Variants in SLC14A2 observed in about 807,000 individuals in gnomAD.
SLC14A2 encodes urea transporter 2.
Under a neutral mutation model 104.6 loss-of-function variants are expected in SLC14A2, and 91 were observed. The ratio of observed to expected loss-of-function variants is 0.87; its 90% CI spans 0.73 to 1.04. SLC14A2 has a LOEUF of 1.04. Ranked by LOEUF, SLC14A2 falls within the 50% of genes least tolerant of loss-of-function variation. SLC14A2 has a pLI of 0.00. For synonymous variants in SLC14A2, 476 were observed against 466.4 expected (o/e 1.02, Z -0.27); for missense variants, 1,189 against 1,156.0 (o/e 1.03, Z -0.41).
chr18:45,355,340 C>T (rs926103337), intron 1 of SLC14A2, among the ~76,000 whole-genome samples: 2 of 151,940 alleles, frequency 1.3e-5, no homozygotes, highest in African/African-American at 2.4e-5. Flanking sequence ...CTTTGGGAGG[C>T]CGAGGTGGGT....
At chr18:45,349,781 G>A (rs2085484634) in intron 1 of SLC14A2, among the ~76,000 whole-genome samples, 1 of 152,224 alleles carries the variant, frequency 6.6e-6, no homozygotes, top group Admixed American at 6.5e-5. Flanking sequence ...GTGGAACGTA[G>A]ATGAAGATTA....
intron 1 of SLC14A2, among the ~76,000 whole-genome samples, chr18:45,471,505 AT>A (rs2087248098): frequency 6.6e-6 from 1 of 152,128 alleles, no homozygotes; most frequent in African/African-American, 2.4e-5. Flanking sequence ...TCTATTCTAT[AT>A]TTTTTAGTAT....
chr18:45,284,310 T>C (rs1268907626), intron 1 of SLC14A2, among the ~76,000 whole-genome samples: 1 of 152,178 alleles, frequency 6.6e-6, no homozygotes, highest in Admixed American at 6.5e-5. Context: ...GTTTCCCAGA[T>C]TTCCATGACA....
intron 1 of SLC14A2, among the ~76,000 whole-genome samples, chr18:45,369,451 G>A (rs939099630): frequency 6.6e-6 from 1 of 152,136 alleles, no homozygotes; most frequent in Non-Finnish European, 1.5e-5. Context: ...CTTAATCCAA[G>A]GAAATATCAT....
At chr18:45,324,562 C>A (rs540781971) in intron 1 of SLC14A2, among the ~76,000 whole-genome samples, 1 of 152,110 alleles carries the variant, frequency 6.6e-6, no homozygotes, top group South Asian at 2.1e-4. Flanking sequence ...CACCCCACCC[C>A]CTGGGGCTGT....
chr18:45,242,781 A>G (rs2084330860), intron 1 of SLC14A2, among the ~76,000 whole-genome samples: 1 of 152,216 alleles, frequency 6.6e-6, no homozygotes, highest in Non-Finnish European at 1.5e-5. Context: ...CTATTTTCAA[A>G]GAGTGAGATG....
At chr18:45,489,517 A>AAAAAC in intron 2 of SLC14A2, among the ~76,000 whole-genome samples, 2 of 152,332 alleles carry the variant, frequency 1.3e-5, no homozygotes, top group Middle Eastern at 6.8e-3. Flanking sequence ...TCTCAAAAAC[A>AAAAAC]AAAACAAAAA....
intron 8 of SLC14A2, among the ~76,000 whole-genome samples, chr18:45,642,118 C>T (rs2045538416): frequency 1.3e-5 from 2 of 152,196 alleles, no homozygotes; most frequent in South Asian, 4.1e-4. Flanking sequence ...TTGCCACCAG[C>T]TCTCCTCTCC....
At chr18:45,339,111 G>C (rs1198412963) in intron 1 of SLC14A2, among the ~76,000 whole-genome samples, 1 of 151,974 alleles carries the variant, frequency 6.6e-6, no homozygotes, top group East Asian at 1.9e-4. Flanking sequence ...TAATTTTTCT[G>C]TTTCTGTTGT....
chr18:45,373,135 G>A (rs2085740277), intron 1 of SLC14A2, among the ~76,000 whole-genome samples: 2 of 152,128 alleles, frequency 1.3e-5, no homozygotes, highest in African/African-American at 4.8e-5. Context: ...TCCTCCATAA[G>A]AACAGGGTTT....
chr18:45,556,410 T>C (rs1035530065), intron 2 of SLC14A2, among the ~76,000 whole-genome samples: 6 of 152,294 alleles, frequency 3.9e-5, no homozygotes, highest in Non-Finnish European at 7.4e-5. Context: ...ACCCTACCCA[T>C]AAGGCAAAAA....
intron 2 of SLC14A2, chr18:45,550,151 T>C (rs895028956): frequency 6.6e-6 from 1 of 152,170 alleles, no homozygotes; most frequent in African/African-American, 2.4e-5. Context: ...AAAGAAAAGT[T>C]TTCATTAATA....
At chr18:45,662,459 G>A (rs1009812726) in intron 10 of SLC14A2, among the ~76,000 whole-genome samples, 5 of 152,162 alleles carry the variant, frequency 3.3e-5, no homozygotes, top group Admixed American at 6.5e-5. Flanking sequence ...GTATGCACAC[G>A]AATCAGCTGG....
At chr18:45,365,770 T>A (rs2247691) in intron 1 of SLC14A2, among the ~76,000 whole-genome samples, 1 of 151,934 alleles carries the variant, frequency 6.6e-6, no homozygotes, top group African/African-American at 2.4e-5. Flanking sequence ...CAAATCACAG[T>A]GCTACCACCT....
chr18:45,568,683 T>G (rs1435276211), intron 2 of SLC14A2, among the ~76,000 whole-genome samples: 1 of 152,224 alleles, frequency 6.6e-6, no homozygotes, highest in Non-Finnish European at 1.5e-5. Flanking sequence ...GAGCAGCCCT[T>G]TGTCAGCCCA....
intron 1 of SLC14A2, among the ~76,000 whole-genome samples, chr18:45,622,271 A>G (rs2045183710): frequency 1.3e-5 from 2 of 152,126 alleles, no homozygotes; most frequent in South Asian, 2.1e-4. Context: ...TTTTTTAGAG[A>G]CAGAATTGTT....
rs2084222194 is a variant in SLC14A2 at position 45,235,835 on chromosome 18, G to GTGTA, written c.-125+22645_-125+22646insGTAT. 2.1e-5 allele frequency among the ~76,000 whole-genome samples: 2 copies of GTGTA among 97,354 alleles called. 1 individual carries two copies. The highest frequency in any genetic ancestry group is 9.1e-5 in the African/African-American group (2 of 21,906). The allele number at this position is 97,354 out of a possible 152,430, so 63.9% of individuals were successfully genotyped here. On this transcript the variant is annotated intron_variant, in intron 1 of 20. Coordinates refer to the SLC14A2 transcript ENST00000586448. ...TGTGTATATATATATATATATACGT[G>GTGTA]TATATATATATGTATATATACATAT...
chr18:45,473,356 A>C (rs112180802), intron 1 of SLC14A2, among the ~76,000 whole-genome samples: 1 of 152,098 alleles, frequency 6.6e-6, no homozygotes, highest in Non-Finnish European at 1.5e-5. Context: ...TCTTAGCTAC[A>C]TGGGCTCTTT....
At chr18:45,414,019 A>C (rs1232478483) in intron 1 of SLC14A2, among the ~76,000 whole-genome samples, 1 of 152,236 alleles carries the variant, frequency 6.6e-6, no homozygotes, top group African/African-American at 2.4e-5. Flanking sequence ...GTACAAAAAA[A>C]GTATTCAATT....
Sources: gnomAD v4.1 joint callset for allele counts (sites outside exome capture counted in the v4.1 genomes callset) on GRCh38, gnomAD v4.1.1 for gene constraint, MANE v1.5 for transcripts, NCBI Gene and HGNC (gene_info 2026-07-23, HGNC 2026-07-21) for gene names.